Variants in TYW1B observed in about 807,000 individuals in gnomAD.
The protein encoded by TYW1B is S-adenosyl-L-methionine-dependent tRNA 4-demethylwyosine synthase TYW1B.
Under a neutral mutation model 86.9 loss-of-function variants are expected in TYW1B, and 73 were observed. The ratio of observed to expected loss-of-function variants is 0.84; its 90% confidence interval spans 0.70 to 1.02. TYW1B has a LOEUF of 1.02. Ranked by LOEUF, TYW1B falls within the 50% of genes least tolerant of loss-of-function variation. TYW1B has a pLI of 0.00. For missense variants in TYW1B, 637 were observed against 827.4 expected (o/e 0.77, Z 2.82); for synonymous variants, 248 against 292.8 (o/e 0.85, Z 1.56).
intron 12 of TYW1B, among the ~76,000 whole-genome samples, chr7:72,624,750 A>G (rs1812302016): frequency 6.6e-6 from 1 of 152,180 alleles, no homozygotes; most frequent in East Asian, 1.9e-4. Context: ...ATTACATTAT[A>G]TTTTATCATC....
rs528561795 is a variant in TYW1B, at chr7:72,820,662, T to C, written c.136-5181A>G. Among the ~76,000 whole-genome samples the C allele has an allele frequency of 5.5e-3, 834 of 152,014 alleles. 9 individuals are homozygous for C. The highest frequency in any genetic ancestry group is 0.019 in the African/African-American group (806 of 41,450). On this transcript the variant is annotated intron_variant, in intron 2 of 13. Transcript: ENST00000620995. ...AGGCTCTTCTTACCAACAAGCTCTC[T>C]TGGGAACTAAGACAGCAAGAACTCA...
At chr7:72,726,653 C>A (rs1349400294) in intron 9 of TYW1B, among the ~76,000 whole-genome samples, 2 of 152,106 alleles carry the variant, frequency 1.3e-5, no homozygotes, top group African/African-American at 2.4e-5. Context: ...CGTGAGGCAC[C>A]GTGCCGAGCC....
rs142526404 is a variant in TYW1B, at chr7:72,787,520, G to A, written c.847-9987C>T. 6.4e-3 allele frequency among the ~76,000 whole-genome samples: 968 copies of A among 151,992 alleles called. 9 individuals are homozygous for A. The highest frequency in any genetic ancestry group is 9.2e-3 in the Non-Finnish European group (625 of 67,974). ...GTTTGTAATCCCAGGACTTTGGGAG[G>A]CCAAGGCAGGTGGATCACAAGGTCA... On this transcript the variant is annotated intron_variant, in intron 6 of 13. Transcript: ENST00000620995.
intron 3 of TYW1B, among the ~76,000 whole-genome samples, chr7:72,813,412 G>A (rs1187913794): frequency 6.6e-6 from 1 of 152,170 alleles, no homozygotes; most frequent in Non-Finnish European, 1.5e-5. Flanking sequence ...CTGACCACAG[G>A]TGATCCACCT....
chr7:72,647,883 G>A (rs769401105), intron 11 of TYW1B, among the ~76,000 whole-genome samples: 14 of 151,862 alleles, frequency 9.2e-5, no homozygotes, highest in African/African-American at 3.1e-4. Flanking sequence ...GAGATGTTTC[G>A]CTATGTTGCC....
intron 6 of TYW1B, among the ~76,000 whole-genome samples, chr7:72,784,360 T>C (rs1462323530): frequency 2.0e-5 from 3 of 152,242 alleles, no homozygotes; most frequent in African/African-American, 7.2e-5. Flanking sequence ...AGCCATCTGA[T>C]GATGGACAAA....
intron 7 of TYW1B, among the ~76,000 whole-genome samples, chr7:72,760,540 T>C (rs1554467001): frequency 2.6e-5 from 4 of 152,238 alleles, no homozygotes; most frequent in African/African-American, 9.6e-5. Flanking sequence ...TATGCACATG[T>C]ATTGTATGTT....
Position 72,647,440 on chromosome 7 carries a change from A to C in TYW1B, c.1507-18443T>G, listed in dbSNP as rs1360372912. Among the ~76,000 whole-genome samples, 3 of 152,238 alleles carry C rather than the reference A, an allele frequency of 2.0e-5. No individual in the cohort carries two copies. In the East Asian group the frequency reaches 5.8e-4, roughly 29 times the overall value. On this transcript the variant is annotated intron_variant, in intron 11 of 13. Transcript: ENST00000620995. Reference sequence around the variant, plus strand: ...TAGCTTTATAATAATGAGACATTACAAACTCAAGATGATGACAAGATGTTC... The same window carrying C: ...TAGCTTTATAATAATGAGACATTACCAACTCAAGATGATGACAAGATGTTC...
In TYW1B at chr7:72,782,646, G is replaced by A. The variant is rs181146013; in HGVS notation, c.847-5113C>T. ...AATCCTAGCACTTTGGGAGGTGGAG[G>A]TGGGTGGATCACCTGAGGTCAGGAG... On this transcript the variant is annotated intron_variant, in intron 6 of 13. Transcript: ENST00000620995. Among the ~76,000 whole-genome samples, 381 of 152,262 alleles carry A rather than the reference G, an allele frequency of 2.5e-3. 3 individuals carry two copies. Among genetic ancestry groups the A allele is most frequent in the Non-Finnish European group, 4.2e-3 (284 of 68,018 alleles).
intron 12 of TYW1B, among the ~76,000 whole-genome samples, chr7:72,628,528 G>A (rs185479494): frequency 4.3e-4 from 66 of 152,180 alleles, no homozygotes; most frequent in African/African-American, 1.5e-3. Flanking sequence ...CTCTATTTCC[G>A]TCTATGTCTG....
chr7:72,777,799 C>T (rs1787983663), intron 6 of TYW1B, among the ~76,000 whole-genome samples: 1 of 152,034 alleles, frequency 6.6e-6, no homozygotes, highest in Non-Finnish European at 1.5e-5. Context: ...ACCTGTAATC[C>T]CAGCTACTCA....
chr7:72,765,654 T>C (rs782203388), intron 7 of TYW1B, among the ~76,000 whole-genome samples: 4 of 152,090 alleles, frequency 2.6e-5, no homozygotes, highest in Non-Finnish European at 5.9e-5. Flanking sequence ...TTAGTAGAGA[T>C]GGGGTTTCAC....
chr7:72,733,278 C>A (rs1462111444), intron 8 of TYW1B, among the ~76,000 whole-genome samples: 1 of 151,894 alleles, frequency 6.6e-6, no homozygotes, highest in Non-Finnish European at 1.5e-5. Flanking sequence ...TTATACGAGG[C>A]CAGTATTACC....
At position 72,630,324 on chromosome 7, in the gene TYW1B, C is replaced by T. The variant is rs139472503; in HGVS notation, c.1507-1327G>A. Among the ~76,000 whole-genome samples, 606 of 152,022 alleles carry T rather than the reference C, an allele frequency of 4.0e-3. 2 individuals carry two copies. The highest frequency in any genetic ancestry group is 0.014 in the African/African-American group (575 of 41,472). Reference sequence around the variant, plus strand: ...GAATGGCTTAAAATCTAAAGTGAGACCCACCCCTTGAGTAGGTGCAGGACC... The same window carrying T: ...GAATGGCTTAAAATCTAAAGTGAGATCCACCCCTTGAGTAGGTGCAGGACC... On this transcript the variant is annotated intron_variant, in intron 11 of 13. Coordinates refer to ENST00000620995, the MANE Select transcript of TYW1B (RefSeq NM_001145440.3).
intron 12 of TYW1B, among the ~76,000 whole-genome samples, chr7:72,621,664 T>C (rs1469451937): frequency 7.2e-5 from 11 of 152,226 alleles, no homozygotes; most frequent in Non-Finnish European, 1.3e-4. Flanking sequence ...TCTGAGCCCT[T>C]TGAGGGCAGG....
At chr7:72,632,368 C>CGTATATATATATTATATATATACGT (rs1491559777) in intron 11 of TYW1B, among the ~76,000 whole-genome samples, 2 of 84,834 alleles carry the variant, frequency 2.4e-5, no homozygotes, top group African/African-American at 1.3e-4. Flanking sequence ...TATATATACG[C>CGTATATATATATTATATATATACGT]ATATATATTA....
chr7:72,782,675 G>C (rs1199798498), intron 6 of TYW1B, among the ~76,000 whole-genome samples: 1 of 152,044 alleles, frequency 6.6e-6, no homozygotes, highest in African/African-American at 2.4e-5. Context: ...TCAGGAGTTT[G>C]AGACCAGTCT....
chr7:72,656,881 AC>A (rs1433598122), intron 11 of TYW1B, among the ~76,000 whole-genome samples: 3 of 152,152 alleles, frequency 2.0e-5, no homozygotes, highest in Non-Finnish European at 2.9e-5. Flanking sequence ...TATCACAAGG[AC>A]AGCACCAACT....
intron 8 of TYW1B, among the ~76,000 whole-genome samples, chr7:72,735,182 G>T (rs781977545): frequency 6.6e-6 from 1 of 152,174 alleles, no homozygotes; most frequent in Non-Finnish European, 1.5e-5. Context: ...ATTCACAATC[G>T]CCAAGATACA....
Sources: gnomAD v4.1 joint callset for allele counts (sites outside exome capture counted in the v4.1 genomes callset) on GRCh38, gnomAD v4.1.1 for gene constraint, MANE v1.5 for transcripts, NCBI Gene and HGNC (gene_info 2026-07-23, HGNC 2026-07-21) for gene names.